The following CREB1 variants were observed in gnomAD, a reference collection of about 807,000 sequenced individuals.
CREB1 encodes cAMP responsive element binding protein 1.
A neutral mutation model predicts 42.0 loss-of-function variants in CREB1; 2 were observed. The observed-to-expected ratio is 0.05, with a 90% CI of 0.02 to 0.15. The LOEUF is 0.15. Ranked by LOEUF, CREB1 falls within the 10% of genes least tolerant of loss-of-function variation. The pLI is 1.00. For missense variants in CREB1, 199 were observed against 388.9 expected (o/e 0.51, Z 4.11); for synonymous variants, 123 against 139.9 (o/e 0.88, Z 0.85).
chr2:207,582,923 A>G (rs2083198569), intron 7 of CREB1: 1 of 261,548 alleles, frequency 3.8e-6, no homozygotes, highest in East Asian at 1.5e-4. Flanking sequence ...AAAAAAATAT[A>G]TATATATACA....
At chr2:207,553,922 A>T (rs190008860) in intron 1 of CREB1, among the ~76,000 whole-genome samples, 295 of 152,226 alleles carry the variant, frequency 1.9e-3, no homozygotes, top group Admixed American at 5.0e-3. Flanking sequence ...TTACTTTTTT[A>T]AAAAAATAAA....
chr2:207,588,392 T>G (rs2084288897), intron 7 of CREB1, among the ~76,000 whole-genome samples: 1 of 152,208 alleles, frequency 6.6e-6, no homozygotes, highest in Non-Finnish European at 1.5e-5. Flanking sequence ...CCATTGATCT[T>G]TGTGTCTGTC....
At chr2:207,579,416 G>A (rs1328870884) in intron 7 of CREB1, among the ~76,000 whole-genome samples, 1 of 152,094 alleles carries the variant, frequency 6.6e-6, no homozygotes, top group African/African-American at 2.4e-5. Context: ...AACAACAGAA[G>A]GACTTCTGTT....
At chr2:207,546,611 C>T (rs1449489935) in intron 1 of CREB1, among the ~76,000 whole-genome samples, 8 of 152,080 alleles carry the variant, frequency 5.3e-5, no homozygotes, top group Non-Finnish European at 1.0e-4. Flanking sequence ...CCTGTAATCC[C>T]AGCTACTTGG....
intron 7 of CREB1, among the ~76,000 whole-genome samples, chr2:207,578,707 A>G (rs1275309285): frequency 2.0e-5 from 3 of 152,122 alleles, no homozygotes; most frequent in African/African-American, 7.2e-5. Context: ...AGCTGTCACA[A>G]TGTTAGTAAA....
chr2:207,559,488 G>A (rs2081872005), intron 2 of CREB1, among the ~76,000 whole-genome samples: 1 of 152,092 alleles, frequency 6.6e-6, no homozygotes, highest in Admixed American at 6.5e-5. Context: ...CACTTTTGTA[G>A]TTTCAGTTCT....
At chr2:207,593,556 A>G (rs2085492366) in intron 7 of CREB1, among the ~76,000 whole-genome samples, 1 of 152,122 alleles carries the variant, frequency 6.6e-6, no homozygotes, top group Non-Finnish European at 1.5e-5. Flanking sequence ...AGCAAATGCT[A>G]CTTTTTTCTG....
Position 207,597,203 on chromosome 2 carries a change from A to C in CREB1, c.*145A>C, listed in dbSNP as rs980566891. On this transcript the variant is annotated 3_prime_UTR_variant, in exon 8 of 8. Transcript: ENST00000353267. ...TGAAAGCAACTACAGAATTTCATTCATTTGTGCTTTTGCATTAAACTGTGA... is the reference window on the plus strand; with the variant it reads ...TGAAAGCAACTACAGAATTTCATTCCTTTGTGCTTTTGCATTAAACTGTGA... 3 of 874,230 alleles carry C rather than the reference A, an allele frequency of 3.4e-6. No individual in the cohort carries two copies. The South Asian group carries it at 6.3e-5, about 18-fold the overall frequency. The allele number at this position is 874,230 out of a possible 1,614,324, so 54.2% of individuals were successfully genotyped here.
At chr2:207,539,972 G>C (rs367853117) in intron 1 of CREB1, among the ~76,000 whole-genome samples, 6 of 152,200 alleles carry the variant, frequency 3.9e-5, no homozygotes, top group African/African-American at 1.4e-4. Context: ...TCATGTAAGA[G>C]AAGGTAAGAT....
At chr2:207,548,522 G>T (rs376258233) in intron 1 of CREB1, among the ~76,000 whole-genome samples, 1 of 152,116 alleles carries the variant, frequency 6.6e-6, no homozygotes, top group African/African-American at 2.4e-5. Flanking sequence ...AGGCTGATGC[G>T]GGTAGATCAC....
chr2:207,553,324 C>T (rs975855311), intron 1 of CREB1, among the ~76,000 whole-genome samples: 1 of 152,102 alleles, frequency 6.6e-6, no homozygotes, highest in African/African-American at 2.4e-5. Context: ...CCGCTTTGGC[C>T]TCCTAAAGTG....
Position 207,601,479 on chromosome 2 carries a change from C to T in CREB1, c.*4421C>T, listed in dbSNP as rs939297104. ...ATGACTAGCCCAGTTAATTAAAAGA[C>T]GGGCTCAAACCTTGTTTTATTCTTT... On this transcript the variant is annotated 3_prime_UTR_variant, in exon 8 of 8. Transcript: ENST00000353267. The T allele has an allele frequency of 9.9e-5, 19 of 192,360 alleles. No homozygotes were observed. Among genetic ancestry groups the T allele is most frequent in the Non-Finnish European group, 1.6e-4 (15 of 92,168 alleles). 11.9% of individuals were successfully genotyped at this position (192,360 alleles called of 1,614,324 possible).
intron 7 of CREB1, among the ~76,000 whole-genome samples, chr2:207,582,708 A>G (rs532048441): frequency 6.6e-6 from 1 of 152,194 alleles, no homozygotes; most frequent in South Asian, 2.1e-4. Flanking sequence ...ATGGTGGCCA[A>G]TATGGTGAAA....
Position 207,605,270 on chromosome 2 carries a change from G to C in CREB1, c.*8212G>C, listed in dbSNP as rs1197021165. Among the ~76,000 whole-genome samples the C allele has an allele frequency of 6.6e-6, 1 of 152,084 alleles. No homozygotes were observed. The highest frequency in any genetic ancestry group is 1.5e-5 in the Non-Finnish European group (1 of 68,006). ...AAATTATAGCCATCCTCATGGGTGTGGTCTCTCATTGTGGTTTTGATTTGC... is the reference window on the plus strand; with the variant it reads ...AAATTATAGCCATCCTCATGGGTGTCGTCTCTCATTGTGGTTTTGATTTGC... On this transcript the variant is annotated 3_prime_UTR_variant, in exon 8 of 8. Coordinates refer to ENST00000353267, the MANE Select transcript of CREB1 (RefSeq NM_004379.5).
chr2:207,547,950 A>T (rs1322962036), intron 1 of CREB1, among the ~76,000 whole-genome samples: 1 of 151,610 alleles, frequency 6.6e-6, no homozygotes, highest in Non-Finnish European at 1.5e-5. Context: ...TTTTAAATTG[A>T]GATGGAGTCT....
intron 1 of CREB1, among the ~76,000 whole-genome samples, chr2:207,540,224 T>C (rs530373652): frequency 6.6e-6 from 1 of 152,334 alleles, no homozygotes; most frequent in Admixed American, 6.5e-5. Context: ...GACAGCTCCA[T>C]GCATGTGATT....
At chr2:207,576,204 T>C (rs2082586247) in intron 6 of CREB1, among the ~76,000 whole-genome samples, 1 of 150,948 alleles carries the variant, frequency 6.6e-6, no homozygotes, top group African/African-American at 2.4e-5. Flanking sequence ...AAGTAGTTGT[T>C]AAATTCTCGA....
rs369648886 is a variant in CREB1, at chr2:207,568,935, C to T, written c.363-1244C>T. Among the ~76,000 whole-genome samples, 115 of 152,156 alleles carry T rather than the reference C, an allele frequency of 7.6e-4. 4 individuals are homozygous for T. The South Asian group carries it at 0.018, about 24-fold the overall frequency. On this transcript the variant is annotated intron_variant, in intron 4 of 7. Transcript: ENST00000353267. ...AGTAGTGCCTCCCCATTCCTTCTGT[C>T]GTTTTCATTTCTTTCCTACCCATCC...
chr2:207,544,808 G>C (rs866344191), intron 1 of CREB1, among the ~76,000 whole-genome samples: 1 of 151,994 alleles, frequency 6.6e-6, no homozygotes, highest in Non-Finnish European at 1.5e-5. Context: ...ACTTACAAAT[G>C]AGAACATGCG....
Sources: gnomAD v4.1 joint callset for allele counts (sites outside exome capture counted in the v4.1 genomes callset) on GRCh38, gnomAD v4.1.1 for gene constraint, MANE v1.5 for transcripts, NCBI Gene and HGNC (gene_info 2026-07-23, HGNC 2026-07-21) for gene names.